Variants in DENND1A observed in about 807,000 individuals in gnomAD.
DENND1A encodes DENN domain containing 1A.
In DENND1A, 51 loss-of-function variants were observed where a neutral mutation model predicts 113.7. The ratio of observed to expected loss-of-function variants is 0.45; its 90% CI spans 0.36 to 0.57. The LOEUF (loss-of-function observed/expected upper bound fraction) is 0.57, where lower values mean the gene tolerates loss of function less well. Ranked by LOEUF, DENND1A falls within the 20% of genes least tolerant of loss-of-function variation. The pLI is 0.00. For missense variants in DENND1A, 1,258 were observed against 1,395.9 expected (o/e 0.90, Z 1.57); for synonymous variants, 565 against 570.8 (o/e 0.99, Z 0.14).
chr9:123,559,008 G>A (rs951302753), intron 12 of DENND1A, among the ~76,000 whole-genome samples: 1 of 152,178 alleles, frequency 6.6e-6, no homozygotes, highest in African/African-American at 2.4e-5. Flanking sequence ...GCCTGTAACA[G>A]AGCTTGTCAA....
At chr9:123,403,297 CG>C in intron 21 of DENND1A, 104 bp downstream of exon 21, 1 of 1,155,180 alleles carries the variant, frequency 8.7e-7, no homozygotes. Flanking sequence ...CTGGGAGCCC[CG>C]GGGAAGCCTC....
chr9:123,432,921 G>A (rs546960799), intron 19 of DENND1A, among the ~76,000 whole-genome samples: 2 of 152,358 alleles, frequency 1.3e-5, no homozygotes, highest in South Asian at 4.1e-4. Flanking sequence ...ACCCAGAGGT[G>A]TAGGGACACA....
intron 9 of DENND1A, among the ~76,000 whole-genome samples, chr9:123,637,407 G>T (rs754382339): frequency 1.3e-5 from 2 of 152,102 alleles, no homozygotes; most frequent in Non-Finnish European, 2.9e-5. Flanking sequence ...AACCATCTTC[G>T]TAGTATCATG....
chr9:123,392,165 T>A (rs2042888848), intron 21 of DENND1A, among the ~76,000 whole-genome samples: 1 of 152,202 alleles, frequency 6.6e-6, no homozygotes, highest in South Asian at 2.1e-4. Flanking sequence ...AGCAGGGACG[T>A]GCTCCATGCT....
chr9:123,569,759 C>T (rs2058252041), intron 12 of DENND1A, among the ~76,000 whole-genome samples: 1 of 152,152 alleles, frequency 6.6e-6, no homozygotes, highest in Non-Finnish European at 1.5e-5. Flanking sequence ...TCCCCTGACC[C>T]CAAGTCCAAT....
intron 19 of DENND1A, among the ~76,000 whole-genome samples, chr9:123,412,262 C>A (rs2044365163): frequency 6.6e-6 from 1 of 152,230 alleles, no homozygotes. Flanking sequence ...TTCACCCATG[C>A]CTGCCCTGGG....
intron 13 of DENND1A, among the ~76,000 whole-genome samples, chr9:123,494,215 A>G (rs1324439161): frequency 6.6e-6 from 1 of 152,188 alleles, no homozygotes; most frequent in Non-Finnish European, 1.5e-5. Flanking sequence ...CTACTTGCTA[A>G]TAAAACTGAC....
chr9:123,398,375 T>C (rs1484273307), intron 21 of DENND1A, among the ~76,000 whole-genome samples: 3 of 152,036 alleles, frequency 2.0e-5, no homozygotes, highest in Non-Finnish European at 4.4e-5. Context: ...CTTTTTTTTT[T>C]CTTTTTCTTT....
At chr9:123,419,362 A>C (rs1564453132) in intron 19 of DENND1A, among the ~76,000 whole-genome samples, 1 of 152,240 alleles carries the variant, frequency 6.6e-6, no homozygotes, top group Non-Finnish European at 1.5e-5. Flanking sequence ...CCTCAAATGG[A>C]GGAGGCCTGG....
chr9:123,545,557 C>G (rs1423834337), intron 13 of DENND1A, among the ~76,000 whole-genome samples: 1 of 151,958 alleles, frequency 6.6e-6, no homozygotes, highest in Non-Finnish European at 1.5e-5. Context: ...AGCTCCGCCT[C>G]CCGGGTTCAC....
intron 2 of DENND1A, among the ~76,000 whole-genome samples, chr9:123,825,520 C>A (rs1390860442): frequency 6.6e-6 from 1 of 152,150 alleles, no homozygotes; most frequent in Non-Finnish European, 1.5e-5. Flanking sequence ...GTGTCCAATC[C>A]TACCACCAGG....
intron 2 of DENND1A, among the ~76,000 whole-genome samples, chr9:123,822,083 C>G (rs560032735): frequency 6.6e-6 from 1 of 152,188 alleles, no homozygotes; most frequent in South Asian, 2.1e-4. Context: ...AATCCTTAGA[C>G]GCTTTGGCTT....
At chr9:123,395,478 G>C (rs942281879) in intron 21 of DENND1A, among the ~76,000 whole-genome samples, 1 of 148,048 alleles carries the variant, frequency 6.8e-6, no homozygotes, top group Non-Finnish European at 1.5e-5. Context: ...CTGTGTGTGT[G>C]TGTGTGTGTG....
rs530888666 is a variant in DENND1A, at chr9:123,535,450, A to C, written c.993+22120T>G. Among the ~76,000 whole-genome samples, 244 of 151,900 alleles carry C rather than the reference A, an allele frequency of 1.6e-3. 9 individuals are homozygous for C. The South Asian group carries it at 0.049, about 31-fold the overall frequency. On this transcript the variant is annotated intron_variant, in intron 13 of 23. Coordinates refer to ENST00000394215, the MANE Select transcript of DENND1A (RefSeq NM_001352964.2). ...GACACAAGAAACCCTGTCTCTAAAAAAGCCCCCAACGATTGAAACTCTCTT... is the reference window on the plus strand; with the variant it reads ...GACACAAGAAACCCTGTCTCTAAAACAGCCCCCAACGATTGAAACTCTCTT...
intron 13 of DENND1A, among the ~76,000 whole-genome samples, chr9:123,510,209 G>A (rs1004497750): frequency 6.6e-6 from 1 of 152,274 alleles, no homozygotes; most frequent in African/African-American, 2.4e-5. Context: ...CTCAAAGGCA[G>A]AGATGACCTC....
rs985047201 is a variant in DENND1A at position 123,674,364 on chromosome 9, A to T, written c.372+2356T>A. On this transcript the variant is annotated intron_variant, in intron 6 of 23. Coordinates refer to ENST00000394215, the MANE Select transcript of DENND1A (RefSeq NM_001352964.2). ...CTCTCACACACACACACACACACAC[A>T]CACACACACACACACACACACACAC... 7.5e-3 allele frequency among the ~76,000 whole-genome samples: 1,090 copies of T among 145,636 alleles called. 16 individuals are homozygous for T. Among genetic ancestry groups the T allele is most frequent in the African/African-American group, 0.028 (1,023 of 36,168 alleles).
chr9:123,876,807 G>T (rs1407654516), intron 2 of DENND1A, among the ~76,000 whole-genome samples: 3 of 152,042 alleles, frequency 2.0e-5, no homozygotes, highest in Non-Finnish European at 4.4e-5. Flanking sequence ...CAATAGCAAA[G>T]ATACAGAATC....
At chr9:123,395,474 G>A (rs888001795) in intron 21 of DENND1A, among the ~76,000 whole-genome samples, 8 of 133,880 alleles carry the variant, frequency 6.0e-5, no homozygotes, top group Non-Finnish European at 1.1e-4. Context: ...CTCTCTGTGT[G>A]TGTGTGTGTG....
At chr9:123,739,233 G>C (rs2068803887) in intron 5 of DENND1A, among the ~76,000 whole-genome samples, 1 of 152,110 alleles carries the variant, frequency 6.6e-6, no homozygotes, top group Non-Finnish European at 1.5e-5. Flanking sequence ...TTACCTTATA[G>C]ACACTGGAGC....
Sources: allele counts gnomAD v4.1 joint callset (sites outside exome capture counted in the v4.1 genomes callset), GRCh38; gene constraint gnomAD v4.1.1; transcripts MANE v1.5; gene names NCBI Gene and HGNC (gene_info 2026-07-23, HGNC 2026-07-21).